The following KCNK2 variants were observed in gnomAD, a reference collection of about 807,000 sequenced individuals.
The protein encoded by KCNK2 is potassium channel subfamily K member 2.
In KCNK2, 21 loss-of-function variants were observed where a neutral mutation model predicts 40.5. That is an observed-to-expected ratio of 0.52 (90% CI 0.37 to 0.75). The LOEUF (loss-of-function observed/expected upper bound fraction) is 0.75. KCNK2 is among the 30% of genes least tolerant of loss of function. KCNK2 has a pLI of 0.00. For missense variants in KCNK2, 399 were observed against 531.6 expected, an observed-to-expected ratio of 0.75 and a Z score of 2.45; for synonymous variants, 191 against 202.2, an observed-to-expected ratio of 0.94 and a Z score of 0.47.
intron 1 of KCNK2, among the ~76,000 whole-genome samples, chr1:215,035,033 A>G (rs1657337481): frequency 6.6e-6 from 1 of 152,024 alleles, no homozygotes; most frequent in African/African-American, 2.4e-5. Flanking sequence ...GTTCACTTCT[A>G]GTATACAAAT....
intron 2 of KCNK2, among the ~76,000 whole-genome samples, chr1:215,098,350 T>C (rs1184023544): frequency 1.3e-5 from 2 of 151,934 alleles, no homozygotes; most frequent in Admixed American, 1.3e-4. Flanking sequence ...ATGGTGACTC[T>C]TGAGCCTTCT....
chr1:215,106,917 G>T (rs10864153), intron 2 of KCNK2, among the ~76,000 whole-genome samples: 83,200 of 151,808 alleles, frequency 0.55, 25,495 homozygotes, highest in Non-Finnish European at 0.68. Flanking sequence ...TTATTTCTGG[G>T]CTCTCTATTC....
chr1:215,029,680 CAG>C (rs547639756), intron 1 of KCNK2, among the ~76,000 whole-genome samples: 255 of 147,852 alleles, frequency 1.7e-3, no homozygotes, highest in Non-Finnish European at 2.0e-3. Context: ...ATTTCAAAAA[CAG>C]AATATTATTT....
In KCNK2 at chr1:215,236,520, G is replaced by T. The variant is rs547183857; in HGVS notation, c.*1375G>T. On this transcript the variant is annotated 3_prime_UTR_variant, in exon 7 of 7. Transcript: ENST00000444842. ...AATTTAAATTTTGAGAGTTTGCTGT[G>T]TTTTTTTTTCACATAAAAGAGGCTG... is the stretch of plus-strand genomic sequence containing the variant. The T allele has an allele frequency of 6.0e-5, 9 of 150,414 alleles. No homozygotes were observed. The highest frequency in any genetic ancestry group is 7.4e-5 in the Non-Finnish European group (5 of 67,382). The allele number at this position is 150,414 out of a possible 1,614,324, so 9.3% of individuals were successfully genotyped here.
At chr1:215,171,456 T>A (rs1458615492) in intron 4 of KCNK2, among the ~76,000 whole-genome samples, 2 of 152,062 alleles carry the variant, frequency 1.3e-5, no homozygotes, top group Non-Finnish European at 2.9e-5. Context: ...TCAATTAAAT[T>A]GATGATAAGA....
intron 1 of KCNK2, among the ~76,000 whole-genome samples, chr1:215,044,814 TGTGTGTGTGTGTGCGC>T (rs1209385291): frequency 3.5e-5 from 2 of 57,768 alleles, no homozygotes; most frequent in African/African-American, 5.1e-5. Context: ...TGTGTGTGTG[TGTGTGTGTGTGTGCGC>T]GCGCACACGT....
rs559064549 is a variant in KCNK2 at position 215,210,004 on chromosome 1, T to A, written c.963+14912T>A. On this transcript the variant is annotated intron_variant, in intron 6 of 6. Transcript: ENST00000444842. ...ATTATATATAATATATAATATATAT[T>A]ATATATAATATATAATATATATTAT... is the stretch of plus-strand genomic sequence containing the variant. Among the ~76,000 whole-genome samples, 9 of 79,328 alleles carry A rather than the reference T, an allele frequency of 1.1e-4. No individual in the cohort carries two copies. In the South Asian group the frequency reaches 2.5e-3, roughly 22 times the overall value. 52.0% of individuals were successfully genotyped at this position (79,328 alleles called of 152,430 possible). A position where few individuals can be genotyped will look rare whatever the true frequency, so the allele number is the denominator to read the frequency against.
intron 4 of KCNK2, among the ~76,000 whole-genome samples, chr1:215,170,819 A>T (rs976366831): frequency 1.7e-4 from 26 of 152,288 alleles, no homozygotes; most frequent in African/African-American, 6.3e-4. Flanking sequence ...TCATTCATTC[A>T]ACAAATTTTT....
In KCNK2 at chr1:215,136,068, C is replaced by T. The variant is rs757321429; in HGVS notation, c.475+11318C>T. Reference sequence around the variant, plus strand: ...TTATTTTAATGATATTTAGATAATCCAAAATGTGATCATTCAAAATAGTGT... The same window carrying T: ...TTATTTTAATGATATTTAGATAATCTAAAATGTGATCATTCAAAATAGTGT... On this transcript the variant is annotated intron_variant, in intron 3 of 6. Coordinates refer to ENST00000444842, the MANE Select transcript of KCNK2 (RefSeq NM_001017425.3). 4.0e-5 allele frequency among the ~76,000 whole-genome samples: 6 copies of T among 151,046 alleles called. No homozygotes were observed. In the South Asian group the frequency reaches 1.3e-3, roughly 32 times the overall value.
At chr1:215,125,163 T>C (rs1396162934) in intron 3 of KCNK2, among the ~76,000 whole-genome samples, 1 of 152,208 alleles carries the variant, frequency 6.6e-6, no homozygotes, top group Non-Finnish European at 1.5e-5. Flanking sequence ...ATTTTAACTC[T>C]ACATTTTAAC....
At chr1:215,151,275 C>A (rs1662674842) in intron 3 of KCNK2, among the ~76,000 whole-genome samples, 1 of 152,066 alleles carries the variant, frequency 6.6e-6, no homozygotes, top group South Asian at 2.1e-4. Flanking sequence ...GAAGGCCCTT[C>A]CAATCTCATT....
At chr1:215,005,751 G>C (rs1250323511), upstream of KCNK2, 2 of 596,072 alleles carry the variant, frequency 3.4e-6, no homozygotes, top group Non-Finnish European at 6.0e-6. Flanking sequence ...GAGTGTTTTT[G>C]TACAGGAAAC....
chr1:215,100,026 C>G (rs548866216), intron 2 of KCNK2, among the ~76,000 whole-genome samples: 13 of 152,070 alleles, frequency 8.5e-5, no homozygotes, highest in South Asian at 6.2e-4. Context: ...GGTTTCTGCA[C>G]CAGTGTGCTA....
At chr1:215,100,828 GTAATTATTGCTCAAAATAATT>G (rs1479438174) in intron 2 of KCNK2, among the ~76,000 whole-genome samples, 1 of 152,014 alleles carries the variant, frequency 6.6e-6, no homozygotes, top group African/African-American at 2.4e-5. Context: ...AAAGTTACAT[GTAATTATTGCTCAAAATAATT>G]TATCATTCGT....
At chr1:215,174,861 T>C (rs1663882414) in intron 5 of KCNK2, among the ~76,000 whole-genome samples, 1 of 152,122 alleles carries the variant, frequency 6.6e-6, no homozygotes, top group African/African-American at 2.4e-5. Flanking sequence ...CTTAAGGAAA[T>C]TTTGGGCCGA....
chr1:215,103,938 C>A (rs1660326263), intron 2 of KCNK2, among the ~76,000 whole-genome samples: 2 of 151,838 alleles, frequency 1.3e-5, no homozygotes, highest in Non-Finnish European at 2.9e-5. Context: ...AGATTCCTTT[C>A]TATTGAAGAA....
intron 5 of KCNK2, among the ~76,000 whole-genome samples, chr1:215,192,992 T>C (rs1046426706): frequency 3.9e-5 from 6 of 152,108 alleles, no homozygotes; most frequent in African/African-American, 9.7e-5. Context: ...TACAATAATG[T>C]TATACTCAGT....
chr1:215,075,579 C>G (rs1174682653), intron 1 of KCNK2, among the ~76,000 whole-genome samples: 2 of 152,170 alleles, frequency 1.3e-5, no homozygotes, highest in Admixed American at 6.5e-5. Flanking sequence ...TTGATAAGTA[C>G]TGGTTTACTG....
chr1:215,064,636 G>A (rs1243563964), intron 1 of KCNK2, among the ~76,000 whole-genome samples: 1 of 152,076 alleles, frequency 6.6e-6, no homozygotes. Flanking sequence ...AGAAAACCAT[G>A]GCTTGCTGGC....
Sources: gnomAD v4.1 joint callset for allele counts (sites outside exome capture counted in the v4.1 genomes callset) on GRCh38, gnomAD v4.1.1 for gene constraint, MANE v1.5 for transcripts, NCBI Gene and HGNC (gene_info 2026-07-23, HGNC 2026-07-21) for gene names.